MAGI1: variants seen among roughly 807,000 people sequenced by gnomAD.
The protein encoded by MAGI1 is membrane-associated guanylate kinase, WW and PDZ domain-containing protein 1.
Under a neutral mutation model 139.9 loss-of-function variants are expected in MAGI1, and 58 were observed. That is an observed-to-expected ratio of 0.41 (90% CI 0.34 to 0.52). The LOEUF is 0.52. Ranked by LOEUF, MAGI1 falls within the 20% of genes least tolerant of loss-of-function variation. The pLI, the probability that MAGI1 is intolerant of heterozygous loss-of-function variation, is 0.12. For synonymous variants in MAGI1, 812 were observed against 737.9 expected (o/e 1.10, Z -1.63); for missense variants, 1,874 against 1,901.6 (o/e 0.99, Z 0.27).
intron 1 of MAGI1, among the ~76,000 whole-genome samples, chr3:65,932,377 A>G (rs1560027408): frequency 1.3e-5 from 2 of 152,216 alleles, no homozygotes; most frequent in African/African-American, 4.8e-5. Context: ...ACAAAAATAA[A>G]AAAGAAAGAT....
intron 2 of MAGI1, among the ~76,000 whole-genome samples, chr3:65,526,995 AAGC>A (rs201506994): frequency 6.6e-6 from 1 of 152,236 alleles, no homozygotes; most frequent in East Asian, 1.9e-4. Context: ...AAAGCAAAGA[AAGC>A]AGGCTTTAAA....
intron 1 of MAGI1, among the ~76,000 whole-genome samples, chr3:65,852,229 T>C (rs1189858273): frequency 6.6e-6 from 1 of 152,172 alleles, no homozygotes; most frequent in Non-Finnish European, 1.5e-5. Flanking sequence ...TGCTGGTGTC[T>C]TCCACAAGGT....
rs1216828657 is a variant in MAGI1 at position 66,038,570 on chromosome 3, CCG to C, written c.-264_-263del. On this transcript the variant is annotated 5_prime_UTR_variant, in exon 1 of 23. Coordinates refer to ENST00000402939, the MANE Select transcript of MAGI1 (RefSeq NM_001033057.2). ...ATTCCGGTGCCTCTGGGTCCACGTT[CCG>C]GCGCCCGCCCGTGCTCTCCCGGACC... 9.0e-6 allele frequency: 4 copies of C among 442,504 alleles called. No individual in the cohort carries two copies. Among genetic ancestry groups the C allele is most frequent in the Non-Finnish European group, 1.6e-5 (4 of 254,910 alleles). The allele number at this position is 442,504 out of a possible 1,614,324, so 27.4% of individuals were successfully genotyped here. A position where few individuals can be genotyped will look rare whatever the true frequency, so the allele number is the denominator to read the frequency against.
intron 2 of MAGI1, among the ~76,000 whole-genome samples, chr3:65,619,574 G>A (rs1313593746): frequency 6.6e-6 from 1 of 152,160 alleles, no homozygotes; most frequent in Non-Finnish European, 1.5e-5. Flanking sequence ...TTTCCCTGCA[G>A]CACAGTTACA....
chr3:65,436,544 AG>A (rs1480276860), intron 10 of MAGI1, among the ~76,000 whole-genome samples: 2 of 152,228 alleles, frequency 1.3e-5, no homozygotes, highest in African/African-American at 4.8e-5. Flanking sequence ...CAGCAAGAAT[AG>A]GGAATGAGAA....
intron 1 of MAGI1, among the ~76,000 whole-genome samples, chr3:65,819,875 C>CAAAAAAAAAAAAAAAAAAA (rs3077818): frequency 0.01 from 346 of 33,442 alleles, 57 homozygotes; most frequent in Admixed American, 0.018. Flanking sequence ...GACTCCATCT[C>CAAAAAAAAAAAAAAAAAAA]AAAAAAAAAA....
chr3:65,968,303 C>A (rs1160117565), intron 1 of MAGI1, among the ~76,000 whole-genome samples: 1 of 152,218 alleles, frequency 6.6e-6, no homozygotes, highest in Non-Finnish European at 1.5e-5. Flanking sequence ...GCATAAAGAT[C>A]AAAATACAAC....
chr3:65,401,951 CT>C (rs146289627), intron 12 of MAGI1: 23 of 948,006 alleles, frequency 2.4e-5, no homozygotes, highest in East Asian at 1.2e-4. Context: ...TTGGTCTTTT[CT>C]TTTTTTTTCC....
At chr3:65,869,487 AC>A (rs567293655) in intron 1 of MAGI1, among the ~76,000 whole-genome samples, 56 of 149,022 alleles carry the variant, frequency 3.8e-4, no homozygotes, top group African/African-American at 1.4e-3. Context: ...TGCAAGCTCC[AC>A]CCCCCAGGTT....
intron 1 of MAGI1, among the ~76,000 whole-genome samples, chr3:65,767,606 C>T (rs570820590): frequency 6.6e-6 from 1 of 152,350 alleles, no homozygotes; most frequent in African/African-American, 2.4e-5. Context: ...CTAAATGAAG[C>T]TCTGACAATT....
chr3:65,487,523 C>T (rs1027277991), intron 3 of MAGI1, among the ~76,000 whole-genome samples: 1 of 152,310 alleles, frequency 6.6e-6, no homozygotes, highest in African/African-American at 2.4e-5. Context: ...AGCAAGCTCT[C>T]TCTGGATTTC....
intron 1 of MAGI1, among the ~76,000 whole-genome samples, chr3:65,935,523 G>T (rs76073679): frequency 1.1e-3 from 166 of 152,312 alleles, no homozygotes; most frequent in African/African-American, 3.9e-3. Flanking sequence ...TCGGGAGGCT[G>T]AGATGGAAGG....
intron 13 of MAGI1, among the ~76,000 whole-genome samples, chr3:65,400,400 T>C (rs755206134): frequency 2.6e-5 from 4 of 152,158 alleles, no homozygotes; most frequent in Non-Finnish European, 5.9e-5. Flanking sequence ...TGGAGACAGG[T>C]GGAAAGAATT....
chr3:65,532,239 A>T (rs1472414813), intron 2 of MAGI1, among the ~76,000 whole-genome samples: 2 of 152,176 alleles, frequency 1.3e-5, no homozygotes, highest in Non-Finnish European at 2.9e-5. Flanking sequence ...ATAATGGCCT[A>T]AAAAATTCTC....
At chr3:65,760,704 C>A (rs886969037) in intron 1 of MAGI1, among the ~76,000 whole-genome samples, 1 of 152,074 alleles carries the variant, frequency 6.6e-6, no homozygotes, top group African/African-American at 2.4e-5. Flanking sequence ...ACTGGCCCAG[C>A]CTAGAGTTAT....
chr3:65,491,028 T>G lies in MAGI1; in HGVS notation c.550+2484A>C, dbSNP rs1423129041. Among the ~76,000 whole-genome samples, 36 of 152,102 alleles carry G rather than the reference T, an allele frequency of 2.4e-4. 1 individual carries two copies. The highest frequency in any genetic ancestry group is 2.2e-3 in the Admixed American group (34 of 15,270). On this transcript the variant is annotated intron_variant, in intron 3 of 22. Coordinates refer to ENST00000402939, the MANE Select transcript of MAGI1 (RefSeq NM_001033057.2). Reference sequence around the variant, plus strand: ...CTATGCAACATTCACAAAGGCACCGTTTTCTACAAGACAATCAGACATTTT... The same window carrying G: ...CTATGCAACATTCACAAAGGCACCGGTTTCTACAAGACAATCAGACATTTT...
At chr3:65,663,236 G>A (rs2107404356) in intron 1 of MAGI1, among the ~76,000 whole-genome samples, 1 of 152,270 alleles carries the variant, frequency 6.6e-6, no homozygotes, top group Admixed American at 6.5e-5. Flanking sequence ...GAGACTACCA[G>A]GGTTTTTAAT....
At chr3:65,646,922 A>G (rs918590223) in intron 1 of MAGI1, among the ~76,000 whole-genome samples, 2 of 152,134 alleles carry the variant, frequency 1.3e-5, no homozygotes, top group Admixed American at 1.3e-4. Flanking sequence ...CAGGGATCAC[A>G]TTAGAAAAGA....
chr3:65,795,163 C>A (rs1198990769), intron 1 of MAGI1, among the ~76,000 whole-genome samples: 1 of 152,216 alleles, frequency 6.6e-6, no homozygotes, highest in Admixed American at 6.5e-5. Flanking sequence ...GAGAAAAGGA[C>A]ATTTATGTTC....
Sources: gnomAD v4.1 joint callset for allele counts (sites outside exome capture counted in the v4.1 genomes callset) on GRCh38, gnomAD v4.1.1 for gene constraint, MANE v1.5 for transcripts, NCBI Gene and HGNC (gene_info 2026-07-23, HGNC 2026-07-21) for gene names.